PSD: variants seen among roughly 807,000 people sequenced by gnomAD.
The protein encoded by PSD is PH and SEC7 domain-containing protein 1.
In PSD, 32 loss-of-function variants were observed where a neutral mutation model predicts 91.6. The ratio of observed to expected loss-of-function variants is 0.35; its 90% confidence interval spans 0.26 to 0.47. The LOEUF is 0.47. PSD is among the 20% of genes least tolerant of loss of function. The pLI, the probability that PSD is intolerant of heterozygous loss-of-function variation, is 1.00. For missense variants in PSD, 1,099 were observed against 1,373.9 expected (o/e 0.80, Z 3.16); for synonymous variants, 532 against 569.3 (o/e 0.93, Z 0.93).
chr10:102,405,090 G>A lies in PSD; in HGVS notation c.2398-35C>T. ...TGTCCATCTTGTCCTGGCCCCAAAT[G>A]CAGCCTGGCCCAGCCCCTCCTATTC... is the stretch of plus-strand genomic sequence containing the variant. On this transcript the variant is annotated intron_variant, in intron 13 of 16. Coordinates refer to ENST00000020673, the MANE Select transcript of PSD (RefSeq NM_002779.5). This position sits in a 1 kb window ranked among gnomAD's most constrained non-coding sequence, Gnocchi z 5.4. The A allele has an allele frequency of 6.2e-7, 1 of 1,611,914 alleles. No homozygotes were observed. Among genetic ancestry groups the A allele is most frequent in the Non-Finnish European group, 8.5e-7 (1 of 1,178,940 alleles).
chr10:102,414,815 A>G lies in PSD; in HGVS notation c.1124+48T>C, dbSNP rs1267430440. On this transcript the variant is annotated intron_variant, in intron 4 of 16. Coordinates refer to ENST00000020673, the MANE Select transcript of PSD (RefSeq NM_002779.5). The surrounding 1 kb of genome is among the most constrained non-coding windows in gnomAD (Gnocchi z 5.6). The stretch of plus-strand genomic sequence containing the variant: ...CTCTGCCTGTGGGCCAGTGCGAAGG[A>G]GCAAGCCGCTTCCCTCTCCCACTTC... The G allele has an allele frequency of 2.0e-6, 3 of 1,485,730 alleles. No homozygotes were observed. The highest frequency in any genetic ancestry group is 2.7e-6 in the Non-Finnish European group (3 of 1,123,234). 92.0% of individuals were successfully genotyped at this position (1,485,730 alleles called of 1,614,324 possible).
At position 102,411,804 on chromosome 10, in the gene PSD, C is replaced by T. The variant is rs765918828; in HGVS notation, c.1845G>A (p.Glu615=). ...CCTGGGTCTCACCCATTAAGGCCAGCTCCTTCAGAAACACCCTGGAGAAGG... is the reference window on the plus strand; with the variant it reads ...CCTGGGTCTCACCCATTAAGGCCAGTTCCTTCAGAAACACCCTGGAGAAGG... ...LDQALRVFLK[E]LALMGETQER... The change falls in exon 8 of 17, where the codon GAG becomes GAA. Residue 615 remains glutamate (E), a synonymous_variant. Coordinates refer to ENST00000020673, the MANE Select transcript of PSD (RefSeq NM_002779.5). The T allele has an allele frequency of 6.2e-7, 1 of 1,612,748 alleles. No individual in the cohort carries two copies. Among genetic ancestry groups the T allele is most frequent in the South Asian group, 1.1e-5 (1 of 90,816 alleles).
rs2061456905 is a variant in PSD, at chr10:102,414,646, C to T, written c.1124+217G>A. On this transcript the variant is annotated intron_variant, in intron 4 of 16. Transcript: ENST00000020673. The surrounding 1 kb of genome is among the most constrained non-coding windows in gnomAD (Gnocchi z 5.6). ...TGGCCTCTGGCCTCTCACCCTGCCCCCTGTTCTGCTAGAACCCCTGGCCTC... is the reference window on the plus strand; with the variant it reads ...TGGCCTCTGGCCTCTCACCCTGCCCTCTGTTCTGCTAGAACCCCTGGCCTC... Among the ~76,000 whole-genome samples, 1 of 152,212 alleles carries T rather than the reference C, an allele frequency of 6.6e-6. No homozygotes were observed. The highest frequency in any genetic ancestry group is 1.5e-5 in the Non-Finnish European group (1 of 68,032).
Position 102,409,317 on chromosome 10 carries a change from G to T in PSD, c.2091+1541C>A. ...GCGGGAGGGGGGCGCCGACGGGAAAGGGAGGGCGAGGGCTGGGGGCGGGGA... is the reference window on the plus strand; with the variant it reads ...GCGGGAGGGGGGCGCCGACGGGAAATGGAGGGCGAGGGCTGGGGGCGGGGA... On this transcript the variant is annotated intron_variant, in intron 10 of 16. Transcript: ENST00000020673. This position sits in a 1 kb window ranked among gnomAD's most constrained non-coding sequence, Gnocchi z 5.7. 1 of 985,498 alleles carries T rather than the reference G, an allele frequency of 1.0e-6. No individual in the cohort carries two copies. The highest frequency in any genetic ancestry group is 4.6e-5 in the South Asian group (1 of 21,692). 61.0% of individuals were successfully genotyped at this position (985,498 alleles called of 1,614,324 possible).
rs1043062224 is a variant in PSD, at chr10:102,410,105, G to C, written c.2091+753C>G. ...AAACGCCCTAGGACAATCCTGTGCTGTTACATGTATGTAGTGGAGCAGAGA... is the reference window on the plus strand; with the variant it reads ...AAACGCCCTAGGACAATCCTGTGCTCTTACATGTATGTAGTGGAGCAGAGA... On this transcript the variant is annotated intron_variant, in intron 10 of 16. Coordinates refer to ENST00000020673, the MANE Select transcript of PSD (RefSeq NM_002779.5). This position sits in a 1 kb window ranked among gnomAD's most constrained non-coding sequence, Gnocchi z 6.0. 1.3e-5 allele frequency among the ~76,000 whole-genome samples: 2 copies of C among 152,204 alleles called. No individual in the cohort carries two copies. The highest frequency in any genetic ancestry group is 2.4e-5 in the African/African-American group (1 of 41,442).
chr10:102,404,705 A>G lies in PSD; in HGVS notation c.2578T>C (p.Trp860Arg). ...QAPSLEQMQS[W>R]ITRINVVAAM... ...GCTACTACATTGATGCGAGTGATCCAGGACTGCATCTGCTCCAGGCTCCTG... is the reference window on the plus strand; with the variant it reads ...GCTACTACATTGATGCGAGTGATCCGGGACTGCATCTGCTCCAGGCTCCTG... Residue 860 changes from tryptophan to arginine, a missense_variant, in exon 15 of 17, where the codon TGG becomes CGG. Trp to Arg is a moderately radical substitution (Grantham distance 101, BLOSUM62 -3). Transcript: ENST00000020673. This position sits in a 1 kb window ranked among gnomAD's most constrained non-coding sequence, Gnocchi z 5.7. 1 of 1,586,682 alleles carries G rather than the reference A, an allele frequency of 6.3e-7. No individual in the cohort carries two copies. Among genetic ancestry groups the G allele is most frequent in the Non-Finnish European group, 8.6e-7 (1 of 1,163,794 alleles).
At position 102,415,045 on chromosome 10, in the gene PSD, G is replaced by A; in HGVS notation, c.942C>T (p.Ala314=). ...CCTCAGAGCTGGGCTGACTTTCGAT[G>A]GCCGAGTCGGCCTCCTCCCGCTCAG... ...VLAEREEADS[A]IESQPSSEGP... The change falls in exon 4 of 17, where the codon GCC becomes GCT. Residue 314 remains alanine, a synonymous_variant. Coordinates refer to ENST00000020673, the MANE Select transcript of PSD (RefSeq NM_002779.5). The A allele has an allele frequency of 6.2e-7, 1 of 1,613,918 alleles. No homozygotes were observed. The highest frequency in any genetic ancestry group is 1.1e-5 in the South Asian group (1 of 91,082).
chr10:102,416,187 G>T lies in PSD; in HGVS notation c.655-68C>A. 7.6e-7 allele frequency: 1 copy of T among 1,312,506 alleles called. No homozygotes were observed. The highest frequency in any genetic ancestry group is 1.1e-6 in the Non-Finnish European group (1 of 934,898). The allele number at this position is 1,312,506 out of a possible 1,614,324, so 81.3% of individuals were successfully genotyped here. On this transcript the variant is annotated intron_variant, in intron 2 of 16. Coordinates refer to ENST00000020673, the MANE Select transcript of PSD (RefSeq NM_002779.5). The surrounding 1 kb of genome is among the most constrained non-coding windows in gnomAD (Gnocchi z 6.0). ...GACATACAAGGACACAAGAATATGG[G>T]ACAGAAACAGAAATTAAAACATGCA...
Position 102,404,303 on chromosome 10 carries a change from G to C in PSD, c.2700+280C>G, listed in dbSNP as rs2061332899. The stretch of plus-strand genomic sequence containing the variant: ...GCAGAGCTTGCAGTGAGCTGAGATC[G>C]TGCCACGGCACTCCCACCTGGGCAA... On this transcript the variant is annotated intron_variant, in intron 15 of 16. Coordinates refer to ENST00000020673, the MANE Select transcript of PSD (RefSeq NM_002779.5). The surrounding 1 kb of genome is among the most constrained non-coding windows in gnomAD (Gnocchi z 5.7). 6.7e-6 allele frequency among the ~76,000 whole-genome samples: 1 copy of C among 150,192 alleles called. No individual in the cohort carries two copies. Among genetic ancestry groups the C allele is most frequent in the South Asian group, 2.1e-4 (1 of 4,780 alleles).
rs774123668 is a variant in PSD at position 102,416,509 on chromosome 10, G to A, written c.530C>T (p.Pro177Leu). The A allele has an allele frequency of 2.5e-6, 4 of 1,612,834 alleles. No homozygotes were observed. Among genetic ancestry groups the A allele is most frequent in the Middle Eastern group, 1.6e-4 (1 of 6,062 alleles). The change falls in exon 2 of 17, where the codon CCG becomes CTG. Residue 177 changes from proline (P) to leucine (L), a missense_variant. Pro to Leu is a moderately conservative substitution (Grantham distance 98, BLOSUM62 -3). Coordinates refer to ENST00000020673, the MANE Select transcript of PSD (RefSeq NM_002779.5). This position sits in a 1 kb window ranked among gnomAD's most constrained non-coding sequence, Gnocchi z 6.0. ...TGCTCCAACCTGGGGTGGGGCTGGC[G>A]GCCCATGTACAAGGTTCCGGCTGCC... ...LPGSRNLVHG[P>L]PAPPQVGADG...
In PSD at chr10:102,403,570, G is replaced by T; in HGVS notation, c.2845-140C>A. The T allele has an allele frequency of 1.1e-6, 1 of 896,080 alleles. No individual in the cohort carries two copies. Among genetic ancestry groups the T allele is most frequent in the South Asian group, 1.7e-5 (1 of 57,416 alleles). The allele number at this position is 896,080 out of a possible 1,614,324, so 55.5% of individuals were successfully genotyped here. ...CTGTGAGATGGTCCCATGCGGGCTGGTGCCCCCTCTGGGCTCTCCTGGGAC... is the reference window on the plus strand; with the variant it reads ...CTGTGAGATGGTCCCATGCGGGCTGTTGCCCCCTCTGGGCTCTCCTGGGAC... On this transcript the variant is annotated intron_variant, in intron 16 of 16. Coordinates refer to ENST00000020673, the MANE Select transcript of PSD (RefSeq NM_002779.5). This position sits in a 1 kb window ranked among gnomAD's most constrained non-coding sequence, Gnocchi z 6.7.
At position 102,409,400 on chromosome 10, in the gene PSD, A is replaced by G; in HGVS notation, c.2091+1458T>C. ...GGGCCCTCCCCGCGCGGCCACGGGG[A>G]GGAGCCTGGGGAGGCCAGCGTGGGT... On this transcript the variant is annotated intron_variant, in intron 10 of 16. Coordinates refer to ENST00000020673, the MANE Select transcript of PSD (RefSeq NM_002779.5). This position sits in a 1 kb window ranked among gnomAD's most constrained non-coding sequence, Gnocchi z 5.7. 1 of 978,836 alleles carries G rather than the reference A, an allele frequency of 1.0e-6. No homozygotes were observed. The highest frequency in any genetic ancestry group is 1.2e-6 in the Non-Finnish European group (1 of 824,014). 60.6% of individuals were successfully genotyped at this position (978,836 alleles called of 1,614,324 possible).
intron 10 of PSD, among the ~76,000 whole-genome samples, chr10:102,407,977 C>A (rs2061381755): frequency 6.6e-6 from 1 of 152,202 alleles, no homozygotes; most frequent in Non-Finnish European, 1.5e-5. Context: ...GCGATGTGAA[C>A]CAGCCACTTC....
At position 102,414,351 on chromosome 10, in the gene PSD, G is replaced by A. The variant is rs1323811496; in HGVS notation, c.1125-154C>T. On this transcript the variant is annotated intron_variant, in intron 4 of 16. Transcript: ENST00000020673. The surrounding 1 kb of genome is among the most constrained non-coding windows in gnomAD (Gnocchi z 5.6). ...CAAAAAAGAGCCTCTAGGGTAGGGC[G>A]CCAAGCTATTCAGTGCCCCCTGGGG... Among the ~76,000 whole-genome samples, 5 of 152,194 alleles carry A rather than the reference G, an allele frequency of 3.3e-5. No homozygotes were observed. The South Asian group carries it at 1.0e-3, about 32-fold the overall frequency.
Position 102,415,069 on chromosome 10 carries a change from A to T in PSD, c.918T>A (p.Ala306=). ...YRETDIDEVL[A]EREEADSAIE... is the part of the protein sequence containing the mutation. ...TGGCCGAGTCGGCCTCCTCCCGCTC[A>T]GCCAGCACCTCATCGATGTCAGTCT... Residue 306 remains alanine (A), a synonymous_variant, in exon 4 of 17, where the codon GCT becomes GCA. Coordinates refer to ENST00000020673, the MANE Select transcript of PSD (RefSeq NM_002779.5). 6.2e-7 allele frequency: 1 copy of T among 1,614,064 alleles called. No homozygotes were observed. The highest frequency in any genetic ancestry group is 1.1e-5 in the South Asian group (1 of 91,074).
rs2061484750 is a variant in PSD at position 102,416,625 on chromosome 10, G to A, written c.414C>T (p.Thr138=). The A allele has an allele frequency of 6.2e-7, 1 of 1,605,772 alleles. No individual in the cohort carries two copies. The highest frequency in any genetic ancestry group is 8.5e-7 in the Non-Finnish European group (1 of 1,176,174). The change falls in exon 2 of 17, where the codon ACC becomes ACT. Residue 138 remains threonine, a synonymous_variant. Coordinates refer to ENST00000020673, the MANE Select transcript of PSD (RefSeq NM_002779.5). The surrounding 1 kb of genome is among the most constrained non-coding windows in gnomAD (Gnocchi z 6.0). ...GGTTGGAGCCAGGCCCAAGGGCTGG[G>A]GTGGGCCTGGGAGGAGAAACCCCAC... ...DLGGVSPPRP[T]PALGPGSNRK...
rs1162029129 is a variant in PSD at position 102,403,576 on chromosome 10, C to T, written c.2845-146G>A. On this transcript the variant is annotated intron_variant, in intron 16 of 16. Coordinates refer to ENST00000020673, the MANE Select transcript of PSD (RefSeq NM_002779.5). The surrounding 1 kb of genome is among the most constrained non-coding windows in gnomAD (Gnocchi z 6.7). ...GATGGTCCCATGCGGGCTGGTGCCC[C>T]CTCTGGGCTCTCCTGGGACCATCAT... The T allele has an allele frequency of 3.5e-6, 3 of 868,408 alleles. No homozygotes were observed. The highest frequency in any genetic ancestry group is 5.2e-6 in the Non-Finnish European group (3 of 579,778). The allele number at this position is 868,408 out of a possible 1,614,324, so 53.8% of individuals were successfully genotyped here. A position where few individuals can be genotyped will look rare whatever the true frequency, so the allele number is the denominator to read the frequency against.
In PSD at chr10:102,404,112, G is replaced by A; in HGVS notation, c.2701-127C>T. 4 of 1,160,214 alleles carry A rather than the reference G, an allele frequency of 3.4e-6. No individual in the cohort carries two copies. The highest frequency in any genetic ancestry group is 4.6e-6 in the Non-Finnish European group (4 of 860,270). 71.9% of individuals were successfully genotyped at this position (1,160,214 alleles called of 1,614,324 possible). A position where few individuals can be genotyped will look rare whatever the true frequency, so the allele number is the denominator to read the frequency against. ...GCCTGTAATCCCAGCACTTTGGGAG[G>A]CCAAGGCGGGCGGATCACGAGGTCA... is the stretch of plus-strand genomic sequence containing the variant. On this transcript the variant is annotated intron_variant, in intron 15 of 16. Transcript: ENST00000020673. The surrounding 1 kb of genome is among the most constrained non-coding windows in gnomAD (Gnocchi z 5.7).
chr10:102,417,232 G>A (rs925880956), intron 1 of PSD, 111 bp from the exon 2 acceptor site: 2 of 571,860 alleles, frequency 3.5e-6, no homozygotes, highest in African/African-American at 3.8e-5. Flanking sequence ...CAGGGACCTA[G>A]CACACCCTGG....
Sources: gnomAD v4.1 joint callset for allele counts (sites outside exome capture counted in the v4.1 genomes callset) on GRCh38, gnomAD v4.1.1 for gene constraint, Gnocchi (gnomAD v3.1) non-coding constraint, MANE v1.5 for transcripts, NCBI Gene and HGNC (gene_info 2026-07-23, HGNC 2026-07-21) for gene names.